TXNRD2: variants seen among roughly 807,000 people sequenced by gnomAD.
The protein encoded by TXNRD2 is thioredoxin reductase 2.
TXNRD2 carries 67 observed loss-of-function variants against 70.8 expected under a neutral mutation model. The ratio of observed to expected loss-of-function variants is 0.95; its 90% CI spans 0.78 to 1.16. The LOEUF (loss-of-function observed/expected upper bound fraction) is 1.16. Ranked by LOEUF, TXNRD2 falls within the 50% of genes most tolerant of loss-of-function variation. The probability of loss-of-function intolerance (pLI) is 0.00; values close to 1 mark genes in which losing one functional copy is unlikely to be tolerated. For missense variants in TXNRD2, 644 were observed against 719.9 expected (o/e 0.89, Z 1.21); for synonymous variants, 301 against 295.8 (o/e 1.02, Z -0.18).
chr22:19,921,713 T>C (rs1241282072), intron 2 of TXNRD2, among the ~76,000 whole-genome samples: 7 of 152,018 alleles, frequency 4.6e-5, no homozygotes, highest in Admixed American at 2.0e-4. Flanking sequence ...CCAGAGGTCA[T>C]GCACAGAAGA....
At chr22:19,893,919 ACT>A (rs1410645855) in intron 11 of TXNRD2, 1 of 151,670 alleles carries the variant, frequency 6.6e-6, no homozygotes, top group Non-Finnish European at 1.5e-5. Flanking sequence ...AACTTTAAAA[ACT>A]CTGTGTCATT....
At chr22:19,917,568 G>C (rs1940693689) in intron 5 of TXNRD2, among the ~76,000 whole-genome samples, 2 of 152,234 alleles carry the variant, frequency 1.3e-5, no homozygotes, top group African/African-American at 4.8e-5. Context: ...GGCGGTACCA[G>C]TTTCAGGCAT....
intron 4 of TXNRD2, 78 bp from the exon 5 acceptor site, chr22:19,918,295 CA>C: frequency 8.1e-7 from 1 of 1,228,772 alleles, no homozygotes. Flanking sequence ...CTATTAGATT[CA>C]AATGGTACAT....
intron 7 of TXNRD2, 131 bp from the exon 8 acceptor site, chr22:19,911,578 C>A: frequency 1.3e-6 from 1 of 742,704 alleles, no homozygotes; most frequent in Non-Finnish European, 2.4e-6. Flanking sequence ...GGCTTCCCTG[C>A]TGCCAGTCCT....
In TXNRD2 at chr22:19,931,017, A is replaced by T; in HGVS notation, c.172+13T>A. 1 of 1,613,356 alleles carries T rather than the reference A, an allele frequency of 6.2e-7. No individual in the cohort carries two copies. Among genetic ancestry groups the T allele is most frequent in the Non-Finnish European group, 8.5e-7 (1 of 1,179,678 alleles). ...GCTTCGAGGCCTTGCCACGAAGTATACAGAATACATACCCTCCTTGGCACA... is the reference window on the plus strand; with the variant it reads ...GCTTCGAGGCCTTGCCACGAAGTATTCAGAATACATACCCTCCTTGGCACA... On this transcript the variant is annotated intron_variant, in intron 2 of 17. Transcript: ENST00000400521.
intron 9 of TXNRD2, 102 bp downstream of exon 9, chr22:19,898,947 G>A: frequency 6.8e-7 from 1 of 1,471,838 alleles, no homozygotes; most frequent in Non-Finnish European, 9.3e-7. Flanking sequence ...GTGCCGATCT[G>A]AGGCAGCAAA....
At chr22:19,920,536 T>C (rs1940858724) in intron 2 of TXNRD2, among the ~76,000 whole-genome samples, 1 of 150,544 alleles carries the variant, frequency 6.6e-6, no homozygotes, top group African/African-American at 2.4e-5. Context: ...TGAGCAGAGA[T>C]CACACCACTG....
At chr22:19,936,673 C>G (rs1941549959) in intron 1 of TXNRD2, among the ~76,000 whole-genome samples, 1 of 152,192 alleles carries the variant, frequency 6.6e-6, no homozygotes, top group Admixed American at 6.5e-5. Context: ...CCCTGCCACT[C>G]TGGTTGTGCA....
At chr22:19,878,053 G>A (rs750250749) in intron 16 of TXNRD2, 37 bp downstream of exon 16, 9 of 1,561,826 alleles carry the variant, frequency 5.8e-6, no homozygotes, top group African/African-American at 1.4e-5. Context: ...ATACCCAGCT[G>A]CACATCGCAT....
At position 19,878,166 on chromosome 22, in the gene TXNRD2, G is replaced by A. The variant is rs749423408; in HGVS notation, c.1369C>T (p.Pro457Ser). The change falls in exon 16 of 18, where the codon CCA (proline) becomes TCA (serine). Residue 457 changes from proline (P) to serine (S), a missense_variant. By Grantham distance (74) the Pro-to-Ser change is moderately conservative. This residue lies in a region of TXNRD2 where 566 missense variants were observed against 645.0 expected (regional missense o/e 0.88). Coordinates refer to ENST00000400521, the MANE Select transcript of TXNRD2 (RefSeq NM_006440.5). ...AAATGCAGGCCCAGCACCAGCTGTG[G>A]GGGCTCCCTCAGGCACACCATCTGA... ...YVKMVCLREP[P>S]QLVLGLHFLG... 6.2e-7 allele frequency: 1 copy of A among 1,613,228 alleles called. No homozygotes were observed. Among genetic ancestry groups the A allele is most frequent in the Middle Eastern group, 1.6e-4 (1 of 6,062 alleles).
intron 8 of TXNRD2, among the ~76,000 whole-genome samples, chr22:19,902,121 T>C (rs1384823350): frequency 1.3e-5 from 2 of 152,152 alleles, no homozygotes; most frequent in Non-Finnish European, 2.9e-5. Context: ...CACTTGAGCC[T>C]AGGAGTTTGA....
intron 2 of TXNRD2, among the ~76,000 whole-genome samples, chr22:19,920,454 A>G (rs76011333): frequency 0.086 from 13,090 of 152,150 alleles, 796 homozygotes; most frequent in East Asian, 0.22. Flanking sequence ...GTGGTGGTGC[A>G]AGCCTGTAGC....
intron 2 of TXNRD2, among the ~76,000 whole-genome samples, chr22:19,926,255 C>A (rs796405483): frequency 6.6e-6 from 1 of 152,040 alleles, no homozygotes; most frequent in Non-Finnish European, 1.5e-5. Flanking sequence ...TCTGGGAGGC[C>A]GAGGTGGGCG....
At chr22:19,922,092 A>G (rs1486328403) in intron 2 of TXNRD2, among the ~76,000 whole-genome samples, 1 of 152,192 alleles carries the variant, frequency 6.6e-6, no homozygotes, top group Non-Finnish European at 1.5e-5. Context: ...AGGTAAATTC[A>G]AGTGTCTGGC....
rs1462618093 is a variant in TXNRD2, at chr22:19,875,624, C to G, written c.*249G>C. On this transcript the variant is annotated 3_prime_UTR_variant, in exon 18 of 18. Coordinates refer to ENST00000400521, the MANE Select transcript of TXNRD2 (RefSeq NM_006440.5). ...CCACCCAGGTCGTCATCATCTGGCA[C>G]CAGGAGCCTGGGGGGGGGTGCCCGG... The G allele has an allele frequency of 7.4e-6, 1 of 135,886 alleles. No individual in the cohort carries two copies. Among genetic ancestry groups the G allele is most frequent in the Non-Finnish European group, 1.5e-5 (1 of 66,792 alleles). The allele number at this position is 135,886 out of a possible 1,614,324, so 8.4% of individuals were successfully genotyped here. A position where few individuals can be genotyped will look rare whatever the true frequency, so the allele number is the denominator to read the frequency against.
intron 8 of TXNRD2, among the ~76,000 whole-genome samples, chr22:19,910,537 C>T (rs1286559543): frequency 6.6e-6 from 1 of 152,222 alleles, no homozygotes; most frequent in East Asian, 1.9e-4. Context: ...TATGGCAGTC[C>T]TGTTATTGTT....
At position 19,905,352 on chromosome 22, in the gene TXNRD2, A is replaced by T. The variant is rs74598158; in HGVS notation, c.662+6025T>A. 2.7e-3 allele frequency among the ~76,000 whole-genome samples: 412 copies of T among 152,252 alleles called. 2 individuals carry two copies. Among genetic ancestry groups the T allele is most frequent in the African/African-American group, 9.2e-3 (382 of 41,536 alleles). ...AAATCTTCTAAATGTTTTTTTTCTG[A>T]AGAAAATAAACACTGCAGTTTCTTT... On this transcript the variant is annotated intron_variant, in intron 8 of 17. Transcript: ENST00000400521.
At position 19,924,040 on chromosome 22, in the gene TXNRD2, C is replaced by T. The variant is rs1183513452; in HGVS notation, c.173-4441G>A. Among the ~76,000 whole-genome samples, 4 of 151,374 alleles carry T rather than the reference C, an allele frequency of 2.6e-5. No homozygotes were observed. In the South Asian group the frequency reaches 8.4e-4, roughly 32 times the overall value. On this transcript the variant is annotated intron_variant, in intron 2 of 17. Transcript: ENST00000400521. The stretch of plus-strand genomic sequence containing the variant: ...AAGAGACAGAGTCTCACTTTGTTGC[C>T]CAGGCACTGGTGTGCAGCGGTGCGA...
At position 19,941,740 on chromosome 22, in the gene TXNRD2, C is replaced by A. The variant is rs370819229; in HGVS notation, c.64G>T (p.Val22Leu). Residue 22 changes from valine (V) to leucine (L), a missense_variant, in exon 1 of 18, where the codon GTG (valine) becomes TTG (leucine). By Grantham distance (32) the Val-to-Leu change is conservative. Transcript: ENST00000400521. ...GCCGCGCCCCGCACCCCGCCCGCCA[C>A]GGCCTGCGTCCGCCACCGGAAGCGC... ...GGRFRWRTQA[V>L]AGGVRGAARG... 11 of 1,494,398 alleles carry A rather than the reference C, an allele frequency of 7.4e-6. No individual in the cohort carries two copies. Among genetic ancestry groups the A allele is most frequent in the Non-Finnish European group, 9.7e-6 (11 of 1,129,792 alleles). 92.6% of individuals were successfully genotyped at this position (1,494,398 alleles called of 1,614,324 possible). A position where few individuals can be genotyped will look rare whatever the true frequency, so the allele number is the denominator to read the frequency against.
Sources: allele counts gnomAD v4.1 joint callset (sites outside exome capture counted in the v4.1 genomes callset), GRCh38; gene constraint gnomAD v4.1.1; regional missense constraint gnomAD v4.1.1; transcripts MANE v1.5; gene names NCBI Gene and HGNC (gene_info 2026-07-23, HGNC 2026-07-21).